ASCC3: variants seen among roughly 807,000 people sequenced by gnomAD.
ASCC3 encodes ASC-1 complex subunit P200.
Under a neutral mutation model 256.3 loss-of-function variants are expected in ASCC3, and 158 were observed. That is an observed-to-expected ratio of 0.62 (90% CI 0.54 to 0.70). ASCC3 has a LOEUF of 0.70. Among genes scored for constraint, ASCC3 ranks in the 30% least tolerant of loss-of-function variants. The pLI is 0.00. For synonymous variants in ASCC3, 948 were observed against 883.4 expected (o/e 1.07, Z -1.30); for missense variants, 2,259 against 2,626.0 (o/e 0.86, Z 3.05).
At chr6:100,710,290 C>A (rs1327910180) in intron 13 of ASCC3, among the ~76,000 whole-genome samples, 2 of 152,110 alleles carry the variant, frequency 1.3e-5, no homozygotes, top group Non-Finnish European at 2.9e-5. Context: ...ATATTTATCT[C>A]TAAATTCTGC....
At chr6:100,738,763 A>G (rs961807572) in intron 10 of ASCC3, among the ~76,000 whole-genome samples, 2 of 152,148 alleles carry the variant, frequency 1.3e-5, no homozygotes, top group Non-Finnish European at 2.9e-5. Context: ...AAGAATGTCA[A>G]TGCTAGCAAT....
chr6:100,579,387 T>C lies in ASCC3; in HGVS notation c.5550+10247A>G, dbSNP rs571166848. Among the ~76,000 whole-genome samples the C allele has an allele frequency of 4.6e-5, 7 of 152,256 alleles. No individual in the cohort carries two copies. In the South Asian group the frequency reaches 1.4e-3, roughly 32 times the overall value. The stretch of plus-strand genomic sequence containing the variant: ...CAACTTTTGTTTTTGTTGCAACTGC[T>C]TTCGGCATCTTTTTCATGAAATATT... On this transcript the variant is annotated intron_variant, in intron 36 of 41. Coordinates refer to ENST00000369162, the MANE Select transcript of ASCC3 (RefSeq NM_006828.4).
At chr6:100,814,979 T>C (rs1293454519) in intron 4 of ASCC3, among the ~76,000 whole-genome samples, 1 of 152,142 alleles carries the variant, frequency 6.6e-6, no homozygotes, top group Non-Finnish European at 1.5e-5. Flanking sequence ...CTCCTAGTTT[T>C]GGGGGTTGGT....
intron 33 of ASCC3, 99 bp downstream of exon 33, chr6:100,605,469 G>A (rs1376830517): frequency 4.8e-6 from 4 of 840,394 alleles, no homozygotes; most frequent in Non-Finnish European, 7.5e-6. Flanking sequence ...ATTCTTCTAA[G>A]CTACCTGTTT....
At chr6:100,791,157 T>C (rs543676584) in intron 8 of ASCC3, among the ~76,000 whole-genome samples, 2 of 152,004 alleles carry the variant, frequency 1.3e-5, no homozygotes, top group South Asian at 4.1e-4. Context: ...TTTAAACATA[T>C]TAAGCATCTA....
At chr6:100,748,073 C>T (rs1187435466) in intron 10 of ASCC3, among the ~76,000 whole-genome samples, 1 of 151,914 alleles carries the variant, frequency 6.6e-6, no homozygotes, top group East Asian at 1.9e-4. Flanking sequence ...AAAAGGTTTT[C>T]TTCTAGGATC....
chr6:100,770,425 C>T (rs1781861046), intron 8 of ASCC3, among the ~76,000 whole-genome samples: 1 of 151,658 alleles, frequency 6.6e-6, no homozygotes, highest in Non-Finnish European at 1.5e-5. Context: ...GTATTACACT[C>T]ACTCACCAAT....
chr6:100,820,401 T>TG (rs1264755680), intron 4 of ASCC3, among the ~76,000 whole-genome samples: 1 of 152,156 alleles, frequency 6.6e-6, no homozygotes, highest in East Asian at 1.9e-4. Context: ...AAGAGACTTT[T>TG]CAATAAATGA....
intron 4 of ASCC3, among the ~76,000 whole-genome samples, chr6:100,831,939 A>G (rs980764107): frequency 1.3e-5 from 2 of 152,100 alleles, no homozygotes; most frequent in Non-Finnish European, 2.9e-5. Flanking sequence ...ATCAAGAAAT[A>G]AAAAATAATC....
At chr6:100,532,856 G>A (rs754645689) in intron 37 of ASCC3, among the ~76,000 whole-genome samples, 19 of 151,904 alleles carry the variant, frequency 1.3e-4, no homozygotes, top group Non-Finnish European at 2.5e-4. Context: ...TCAGGCTACT[G>A]GAATTGGTTA....
At chr6:100,777,344 G>A (rs942349812) in intron 8 of ASCC3, among the ~76,000 whole-genome samples, 1 of 151,964 alleles carries the variant, frequency 6.6e-6, no homozygotes, top group South Asian at 2.1e-4. Flanking sequence ...TCATTTATAG[G>A]TGGAATCATT....
chr6:100,795,998 T>C (rs1157103978), intron 8 of ASCC3, among the ~76,000 whole-genome samples: 1 of 152,186 alleles, frequency 6.6e-6, no homozygotes, highest in Non-Finnish European at 1.5e-5. Flanking sequence ...TACAGTGATA[T>C]GATAGCAAAT....
intron 13 of ASCC3, among the ~76,000 whole-genome samples, chr6:100,698,909 C>T (rs1290422346): frequency 2.0e-5 from 3 of 152,146 alleles, no homozygotes; most frequent in Non-Finnish European, 4.4e-5. Context: ...AAGCAGAAGA[C>T]TTCACCTATT....
rs1774549065 is a variant in ASCC3 at position 100,631,584 on chromosome 6, T to C, written c.4123-371A>G. On this transcript the variant is annotated intron_variant, in intron 25 of 41. Coordinates refer to ENST00000369162, the MANE Select transcript of ASCC3 (RefSeq NM_006828.4). The stretch of plus-strand genomic sequence containing the variant: ...AATACACTATAAGAGAAAATTAGGG[T>C]TCTGATAAAAAATTTTTTCTATTAT... Among the ~76,000 whole-genome samples, 3 of 151,734 alleles carry C rather than the reference T, an allele frequency of 2.0e-5. No homozygotes were observed. In the South Asian group the frequency reaches 6.2e-4, roughly 32 times the overall value.
chr6:100,569,488 T>G (rs1286813342), intron 36 of ASCC3, among the ~76,000 whole-genome samples: 1 of 152,088 alleles, frequency 6.6e-6, no homozygotes. Flanking sequence ...GTTCACACCA[T>G]TCTCCTGCCT....
chr6:100,874,083 A>C (rs1188885603), intron 1 of ASCC3, among the ~76,000 whole-genome samples: 1 of 152,168 alleles, frequency 6.6e-6, no homozygotes, highest in Non-Finnish European at 1.5e-5. Flanking sequence ...TTACCTATAA[A>C]TCATTTATAC....
chr6:100,755,628 T>C (rs1264935661), intron 10 of ASCC3, among the ~76,000 whole-genome samples: 1 of 152,024 alleles, frequency 6.6e-6, no homozygotes, highest in African/African-American at 2.4e-5. Flanking sequence ...CCCCAAAATA[T>C]TGTTCTGCTA....
intron 36 of ASCC3, among the ~76,000 whole-genome samples, chr6:100,586,926 T>C (rs1285748353): frequency 6.6e-6 from 1 of 152,172 alleles, no homozygotes; most frequent in African/African-American, 2.4e-5. Context: ...TTTTCAGTTG[T>C]AATGTTATCA....
chr6:100,820,745 G>C (rs1771000144), intron 4 of ASCC3, among the ~76,000 whole-genome samples: 1 of 151,594 alleles, frequency 6.6e-6, no homozygotes, highest in Non-Finnish European at 1.5e-5. Flanking sequence ...TATCTGATAA[G>C]GGGTGTGCAT....
Sources: allele counts gnomAD v4.1 joint callset (sites outside exome capture counted in the v4.1 genomes callset), GRCh38; gene constraint gnomAD v4.1.1; transcripts MANE v1.5; gene names NCBI Gene and HGNC (gene_info 2026-07-23, HGNC 2026-07-21).